Variants in DNAH11 observed in about 807,000 individuals in gnomAD.
The protein encoded by DNAH11 is dynein axonemal heavy chain 11, also known as axonemal beta dynein heavy chain 11.
DNAH11 carries 442 observed loss-of-function variants against 526.0 expected under a neutral mutation model. The ratio of observed to expected loss-of-function variants is 0.84; its 90% CI spans 0.78 to 0.91. DNAH11 has a LOEUF of 0.91. Ranked by LOEUF, DNAH11 falls within the 40% of genes least tolerant of loss-of-function variation. The probability of loss-of-function intolerance (pLI) is 0.00; values close to 1 mark genes in which losing one functional copy is unlikely to be tolerated. For missense variants in DNAH11, 6,989 were observed against 5,448.7 expected (o/e 1.28, Z -8.90); for synonymous variants, 2,461 against 1,935.9 (o/e 1.27, Z -7.12).
chr7:21,611,123 T>C (rs998397648), intron 20 of DNAH11, among the ~76,000 whole-genome samples: 3 of 152,166 alleles, frequency 2.0e-5, no homozygotes, highest in Admixed American at 1.3e-4. Flanking sequence ...CGGGTGGGCA[T>C]TGTCCAATTG....
intron 30 of DNAH11, among the ~76,000 whole-genome samples, chr7:21,674,757 G>C (rs2128470323): frequency 6.6e-6 from 1 of 151,998 alleles, no homozygotes; most frequent in South Asian, 2.1e-4. Flanking sequence ...GCCAGAAGCA[G>C]ATAGGGAATT....
rs543303814 is a variant in DNAH11, at chr7:21,654,485, A to T, written c.4945-1347A>T. On this transcript the variant is annotated intron_variant, in intron 28 of 81. Transcript: ENST00000409508. ...ACCACATTTTGTTTATCCATTCATC[A>T]TTTGATGGACATTTAGGTTGTTTCC... Among the ~76,000 whole-genome samples, 8 of 152,280 alleles carry T rather than the reference A, an allele frequency of 5.3e-5. No individual in the cohort carries two copies. In the East Asian group the frequency reaches 9.6e-4, roughly 18 times the overall value.
At chr7:21,629,725 C>T (rs914056118) in intron 25 of DNAH11, among the ~76,000 whole-genome samples, 3 of 152,018 alleles carry the variant, frequency 2.0e-5, no homozygotes, top group Non-Finnish European at 4.4e-5. Flanking sequence ...TTTATCTGAT[C>T]TAAGTATAGC....
In DNAH11 at chr7:21,859,733, A is replaced by G. The variant is rs146883494; in HGVS notation, c.11203-2120A>G. On this transcript the variant is annotated intron_variant, in intron 68 of 81. Coordinates refer to ENST00000409508, the MANE Select transcript of DNAH11 (RefSeq NM_001277115.2). ...ATTTATATATATAGATATATTTTTC[A>G]AATTTATATTTATATAGAGAGATAT... is the stretch of plus-strand genomic sequence containing the variant. Among the ~76,000 whole-genome samples, 638 of 152,156 alleles carry G rather than the reference A, an allele frequency of 4.2e-3. 6 individuals carry two copies. The highest frequency in any genetic ancestry group is 0.014 in the African/African-American group (601 of 41,520).
intron 44 of DNAH11, among the ~76,000 whole-genome samples, chr7:21,722,549 G>A (rs1235521238): frequency 1.3e-5 from 2 of 152,054 alleles, no homozygotes; most frequent in Non-Finnish European, 2.9e-5. Context: ...CTCGCCACTA[G>A]GTTACCATAA....
At chr7:21,546,570 G>A (rs984332977) in intron 2 of DNAH11, among the ~76,000 whole-genome samples, 1 of 152,226 alleles carries the variant, frequency 6.6e-6, no homozygotes, top group East Asian at 1.9e-4. Flanking sequence ...CTTTCTCTCA[G>A]TACCAGGATC....
rs1322285267 is a variant in DNAH11, at chr7:21,789,873, TTTC to T, written c.10026+534_10026+536del. Among the ~76,000 whole-genome samples the T allele has an allele frequency of 1.6e-3, 233 of 145,448 alleles. 2 individuals carry two copies. The highest frequency in any genetic ancestry group is 6.0e-3 in the African/African-American group (222 of 36,888). On this transcript the variant is annotated intron_variant, in intron 61 of 81. Coordinates refer to ENST00000409508, the MANE Select transcript of DNAH11 (RefSeq NM_001277115.2). The stretch of plus-strand genomic sequence containing the variant: ...CTTTCTCTCTCCTTCCTTCCTTTTC[TTTC>T]TTTCTTTCTTTCTTTCCTTTCCCCT...
chr7:21,863,414 G>T (rs1783149894), intron 69 of DNAH11, among the ~76,000 whole-genome samples: 1 of 152,120 alleles, frequency 6.6e-6, no homozygotes, highest in African/African-American at 2.4e-5. Context: ...TACACCATTT[G>T]CCTCCCAGGT....
chr7:21,641,727 CTT>C (rs1787139078), intron 28 of DNAH11, among the ~76,000 whole-genome samples: 1 of 152,160 alleles, frequency 6.6e-6, no homozygotes, highest in Admixed American at 6.5e-5. Context: ...TACAACATGA[CTT>C]CGGTATTTTA....
At chr7:21,731,534 C>A (rs1241344339) in intron 45 of DNAH11, among the ~76,000 whole-genome samples, 1 of 152,120 alleles carries the variant, frequency 6.6e-6, no homozygotes, top group African/African-American at 2.4e-5. Context: ...TTGAAAAAAG[C>A]AACGTACAGA....
intron 54 of DNAH11, among the ~76,000 whole-genome samples, chr7:21,750,860 C>G (rs141452249): frequency 3.5e-4 from 53 of 152,218 alleles, no homozygotes; most frequent in African/African-American, 1.2e-3. Flanking sequence ...CAGATTACCT[C>G]TAAAGGCCTG....
intron 55 of DNAH11, among the ~76,000 whole-genome samples, chr7:21,768,318 G>T (rs555996288): frequency 2.0e-5 from 3 of 152,306 alleles, no homozygotes; most frequent in African/African-American, 7.2e-5. Context: ...TTAGTACACG[G>T]TTTCTACAAC....
chr7:21,776,056 G>C (rs150689988), intron 56 of DNAH11, among the ~76,000 whole-genome samples: 1,856 of 152,280 alleles, frequency 0.012, 16 homozygotes, highest in Non-Finnish European at 0.019. Flanking sequence ...GAAGAGGAGA[G>C]AGACTGTGAT....
rs1162889810 is a variant in DNAH11 at position 21,717,805 on chromosome 7, G to T, written c.7014G>T (p.Arg2338=). ...TGGCCAGTTGGATAGACAGAAGGCG[G>T]CATCAATCAGAAAAGGCCAATTTGA... ...PYVASWIDRR[R]HQSEKANLTI... The change falls in exon 43 of 82, where the codon CGG becomes CGT. Residue 2338 remains arginine, a synonymous_variant. Coordinates refer to ENST00000409508, the MANE Select transcript of DNAH11 (RefSeq NM_001277115.2). The T allele has an allele frequency of 6.2e-7, 1 of 1,613,674 alleles. No individual in the cohort carries two copies. The highest frequency in any genetic ancestry group is 8.5e-7 in the Non-Finnish European group (1 of 1,179,806).
At position 21,707,696 on chromosome 7, in the gene DNAH11, C is replaced by T. The variant is rs374086633; in HGVS notation, c.6547-3C>T. ...TTTTTGGCTCTTTCCTCCTTCCCCTCAGATTTTGAGAACACTGAACCGAAC... is the reference window on the plus strand; with the variant it reads ...TTTTTGGCTCTTTCCTCCTTCCCCTTAGATTTTGAGAACACTGAACCGAAC... On this transcript the variant is annotated splice_polypyrimidine_tract_variant and splice_region_variant and intron_variant, in intron 39 of 81. Transcript: ENST00000409508. 1 of 1,606,478 alleles carries T rather than the reference C, an allele frequency of 6.2e-7. No homozygotes were observed. Among genetic ancestry groups the T allele is most frequent in the Non-Finnish European group, 8.5e-7 (1 of 1,177,504 alleles).
At chr7:21,595,970 C>T (rs142361298) in intron 14 of DNAH11, among the ~76,000 whole-genome samples, 3 of 152,058 alleles carry the variant, frequency 2.0e-5, no homozygotes, top group East Asian at 3.9e-4. Flanking sequence ...AGAAAGGGTT[C>T]GGAGGGTAAC....
intron 20 of DNAH11, among the ~76,000 whole-genome samples, 158 bp downstream of exon 20, chr7:21,606,891 G>A (rs894067338): frequency 1.3e-5 from 2 of 152,084 alleles, no homozygotes; most frequent in African/African-American, 4.8e-5. Context: ...TAAGTAAATT[G>A]TATTGTATTT....
chr7:21,675,013 T>C (rs184561625), intron 30 of DNAH11, among the ~76,000 whole-genome samples: 24 of 152,348 alleles, frequency 1.6e-4, no homozygotes, highest in African/African-American at 5.5e-4. Context: ...TTTGATAATG[T>C]CCTAGACCAA....
rs751901836 is a variant in DNAH11, at chr7:21,620,076, C to T, written c.4498C>T (p.Gln1500Ter). The change falls in exon 25 of 82, where the codon CAA becomes TAA. Residue 1500 changes from glutamine to a stop codon, truncating the protein, a stop_gained and splice_region_variant. Coordinates refer to ENST00000409508, the MANE Select transcript of DNAH11 (RefSeq NM_001277115.2). LOFTEE classifies it high-confidence loss of function. The part of the protein sequence containing the change: ...EQLFETLEHN[Q>*]VQLQTLLQSK... Reference sequence around the variant, plus strand: ...ACTTTTTGAAACTCTAGAGCACAACCAAGTAAGATGGATATTTTTATTGCA... The same window carrying T: ...ACTTTTTGAAACTCTAGAGCACAACTAAGTAAGATGGATATTTTTATTGCA... The T allele has an allele frequency of 6.3e-7, 1 of 1,576,280 alleles. No individual in the cohort carries two copies. The highest frequency in any genetic ancestry group is 2.0e-5 in the Admixed American group (1 of 51,124).
Sources: gnomAD v4.1 joint callset for allele counts (sites outside exome capture counted in the v4.1 genomes callset) on GRCh38, gnomAD v4.1.1 for gene constraint, MANE v1.5 for transcripts, NCBI Gene and HGNC (gene_info 2026-07-23, HGNC 2026-07-21) for gene names.